The following ABCC4 variants were observed in gnomAD, a reference collection of about 807,000 sequenced individuals.
The protein encoded by ABCC4 is ATP binding cassette subfamily C member 4 (PEL blood group).
Under a neutral mutation model 168.5 loss-of-function variants are expected in ABCC4, and 102 were observed. The ratio of observed to expected loss-of-function variants is 0.61; its 90% confidence interval spans 0.52 to 0.71. ABCC4 has a LOEUF of 0.71. Among genes scored for constraint, ABCC4 ranks in the 30% least tolerant of loss-of-function variants. The pLI is 0.00. For synonymous variants in ABCC4, 617 were observed against 590.7 expected (o/e 1.04, Z -0.65); for missense variants, 1,402 against 1,605.8 (o/e 0.87, Z 2.17).
intron 8 of ABCC4, among the ~76,000 whole-genome samples, chr13:95,198,883 T>C (rs1203355476): frequency 1.3e-5 from 2 of 152,110 alleles, no homozygotes; most frequent in Admixed American, 1.3e-4. Flanking sequence ...CTGCATGTTC[T>C]CACTCATAAG....
At chr13:95,065,500 TA>T (rs1417958408) in intron 25 of ABCC4, among the ~76,000 whole-genome samples, 1 of 152,202 alleles carries the variant, frequency 6.6e-6, no homozygotes, top group Non-Finnish European at 1.5e-5. Flanking sequence ...TATTATTTAA[TA>T]AAAGTATTTA....
chr13:95,097,942 C>G (rs1331353480), intron 20 of ABCC4, among the ~76,000 whole-genome samples: 4 of 151,774 alleles, frequency 2.6e-5, no homozygotes, highest in Non-Finnish European at 4.4e-5. Flanking sequence ...TTCAGACCAA[C>G]CTGGGCAACA....
intron 19 of ABCC4, among the ~76,000 whole-genome samples, chr13:95,124,765 C>A (rs547373576): frequency 6.7e-6 from 1 of 148,512 alleles, no homozygotes; most frequent in East Asian, 2.0e-4. Context: ...CCTGTAGTCC[C>A]GGCTACTCGT....
chr13:95,197,301 C>T (rs981217458), intron 8 of ABCC4, among the ~76,000 whole-genome samples: 2 of 152,166 alleles, frequency 1.3e-5, no homozygotes, highest in Non-Finnish European at 2.9e-5. Context: ...TCTTCTTAAC[C>T]TTGTCTAGAC....
intron 1 of ABCC4, among the ~76,000 whole-genome samples, chr13:95,298,134 C>T (rs1342641578): frequency 6.6e-6 from 1 of 151,906 alleles, no homozygotes; most frequent in Non-Finnish European, 1.5e-5. Context: ...ACCAAAAATA[C>T]AAAAATTAGC....
intron 1 of ABCC4, among the ~76,000 whole-genome samples, chr13:95,280,563 G>A (rs1197956502): frequency 1.8e-5 from 2 of 111,608 alleles, no homozygotes; most frequent in Non-Finnish European, 3.5e-5. Flanking sequence ...TTGCTGTTTT[G>A]CCTTCTATTA....
At chr13:95,081,615 T>C (rs1438591825) in intron 21 of ABCC4, among the ~76,000 whole-genome samples, 1 of 152,196 alleles carries the variant, frequency 6.6e-6, no homozygotes, top group East Asian at 1.9e-4. Flanking sequence ...GTAGCTTAGC[T>C]GGTTTTCTTG....
chr13:95,190,951 A>G (rs900305267), intron 9 of ABCC4, among the ~76,000 whole-genome samples: 2 of 152,244 alleles, frequency 1.3e-5, no homozygotes, highest in African/African-American at 4.8e-5. Flanking sequence ...AGAATGAATC[A>G]AAGGCAATGC....
Position 95,180,548 on chromosome 13 carries a change from A to G in ABCC4, c.1546-2457T>C, listed in dbSNP as rs538618237. 7.2e-5 allele frequency among the ~76,000 whole-genome samples: 11 copies of G among 151,886 alleles called. No homozygotes were observed. The East Asian group carries it at 2.0e-3, about 27-fold the overall frequency. ...GCCTGGGCAACAAGAGTGAAACTCC[A>G]TCTCAAAAAAAAAAAGACAATGCAC... On this transcript the variant is annotated intron_variant, in intron 11 of 30. Coordinates refer to ENST00000645237, the MANE Select transcript of ABCC4 (RefSeq NM_005845.5).
chr13:95,196,871 G>A (rs535092411), intron 8 of ABCC4, among the ~76,000 whole-genome samples: 8 of 152,202 alleles, frequency 5.3e-5, no homozygotes, highest in East Asian at 1.9e-4. Context: ...CAACCAAACC[G>A]TTCCCAAACA....
chr13:95,021,612 T>C lies in ABCC4; in HGVS notation c.3941A>G (p.Gln1314Arg), dbSNP rs11568688. Residue 1314 changes from glutamine (Q) to arginine (R), a missense_variant, in exon 31 of 31, where the codon CAG (glutamine) becomes CGG (arginine). By Grantham distance (43) the Gln-to-Arg change is conservative. Around this residue, in one of 3 missense-constraint regions of ABCC4, gnomAD observed 1,007 missense variants for 1,127.3 expected, o/e 0.89. Coordinates refer to ENST00000645237, the MANE Select transcript of ABCC4 (RefSeq NM_005845.5). ...CTCGAAAATAGTTAAGGTCGAGGGC[T>C]GTCCATTGGAAGTGTTTGTAACCAT... Reference protein sequence around the residue: ...DHMVTNTSNGQPSTLTIFETA... With the variant: ...DHMVTNTSNGRPSTLTIFETA... 3.3e-5 allele frequency: 54 copies of C among 1,613,294 alleles called. No individual in the cohort carries two copies. Among genetic ancestry groups the C allele is most frequent in the Middle Eastern group, 3.3e-4 (2 of 6,060 alleles).
rs780497694 is a variant in ABCC4, at chr13:95,247,644, C to T, written c.184G>A (p.Gly62Arg). The stretch of plus-strand genomic sequence containing the variant: ...CCCACTTTACTGCCTCCGACTTACC[C>T]TTGCAACTCCTCTCCAAGGTGCTGT... ...RSQHLGEELQ[G>R]FWDKEVLRAE... The change falls in exon 2 of 31, where the codon GGG becomes AGG. Residue 62 changes from glycine to arginine, a missense_variant and splice_region_variant. Physicochemically the swap from Gly to Arg is moderately radical, Grantham distance 125 (BLOSUM62 -2). Transcript: ENST00000645237. 1.9e-6 allele frequency: 3 copies of T among 1,612,810 alleles called. No individual in the cohort carries two copies. The highest frequency in any genetic ancestry group is 1.1e-5 in the South Asian group (1 of 90,996).
At chr13:95,025,831 C>A (rs995582176) in intron 30 of ABCC4, among the ~76,000 whole-genome samples, 2 of 152,108 alleles carry the variant, frequency 1.3e-5, no homozygotes, top group South Asian at 2.1e-4. Context: ...AACAGAGATA[C>A]AAAAATACAG....
chr13:95,193,004 T>G (rs765318651), intron 9 of ABCC4, among the ~76,000 whole-genome samples: 1 of 152,242 alleles, frequency 6.6e-6, no homozygotes, highest in Non-Finnish European at 1.5e-5. Flanking sequence ...TGAGTTTCCA[T>G]GTGCACAAGA....
intron 26 of ABCC4, among the ~76,000 whole-genome samples, chr13:95,061,654 A>G (rs7339227): frequency 0.11 from 15,922 of 140,704 alleles, 1,089 homozygotes; most frequent in Admixed American, 0.17. Context: ...GCTCCCCTCA[A>G]TGACTATAGA....
At position 95,234,707 on chromosome 13, in the gene ABCC4, G is replaced by A. The variant is rs149867748; in HGVS notation, c.434C>T (p.Thr145Met). The A allele has an allele frequency of 4.8e-5, 78 of 1,614,086 alleles. No individual in the cohort carries two copies. The highest frequency in any genetic ancestry group is 1.3e-4 in the African/African-American group (10 of 75,006). The change falls in exon 4 of 31, where the codon ACG becomes ATG. Residue 145 changes from threonine (T) to methionine (M), a missense_variant. This residue lies in a region of ABCC4 where 317 missense variants were observed against 345.5 expected (regional missense o/e 0.92). Coordinates refer to ENST00000645237, the MANE Select transcript of ABCC4 (RefSeq NM_005845.5). Reference sequence around the variant, plus strand: ...GTGATGCAGTATAGCCAAAATGAGCGTGCAAAAAGTCAGCACCGTGGCATA... The same window carrying A: ...GTGATGCAGTATAGCCAAAATGAGCATGCAAAAAGTCAGCACCGTGGCATA... Reference protein sequence around the residue: ...YAYATVLTFCTLILAILHHLY... With the variant: ...YAYATVLTFCMLILAILHHLY...
rs1566530859 is a variant in ABCC4 at position 95,210,702 on chromosome 13, T to C, written c.611A>G (p.Lys204Arg). Residue 204 changes from lysine (K) to arginine (R), a missense_variant, in exon 5 of 31, where the codon AAG (lysine) becomes AGG (arginine). By Grantham distance (26) the Lys-to-Arg change is conservative. Around this residue, in one of 3 missense-constraint regions of ABCC4, gnomAD observed 317 missense variants for 345.5 expected, o/e 0.92. Transcript: ENST00000645237. ...TGAGCTGCAGCTTACCTGATCAAACTTGTTCACATCATTGGACAGCAGATT... is the reference window on the plus strand; with the variant it reads ...TGAGCTGCAGCTTACCTGATCAAACCTGTTCACATCATTGGACAGCAGATT... Reference protein sequence around the residue: ...IVNLLSNDVNKFDQVTVFLHF... With the variant: ...IVNLLSNDVNRFDQVTVFLHF... 6.2e-7 allele frequency: 1 copy of C among 1,614,062 alleles called. No homozygotes were observed. Among genetic ancestry groups the C allele is most frequent in the Admixed American group, 1.7e-5 (1 of 60,018 alleles).
intron 1 of ABCC4, among the ~76,000 whole-genome samples, chr13:95,258,958 G>A (rs145172893): frequency 5.9e-5 from 9 of 152,314 alleles, no homozygotes; most frequent in East Asian, 5.8e-4. Flanking sequence ...TGCTGGGCCC[G>A]GCCTGGGGGC....
chr13:95,097,515 T>A (rs142795738), intron 20 of ABCC4, among the ~76,000 whole-genome samples: 1 of 150,490 alleles, frequency 6.6e-6, no homozygotes, highest in Admixed American at 6.7e-5. Flanking sequence ...GTAAAGATAC[T>A]GAAGATCCAG....
Sources: allele counts gnomAD v4.1 joint callset (sites outside exome capture counted in the v4.1 genomes callset), GRCh38; gene constraint gnomAD v4.1.1; regional missense constraint gnomAD v4.1.1; transcripts MANE v1.5; gene names NCBI Gene and HGNC (gene_info 2026-07-23, HGNC 2026-07-21).